Variants in COL9A3 observed in about 807,000 individuals in gnomAD.
COL9A3 encodes collagen type IX alpha 3 chain.
A neutral mutation model predicts 110.2 loss-of-function variants in COL9A3; 82 were observed. The observed-to-expected ratio is 0.74, with a 90% CI of 0.62 to 0.89. The LOEUF is 0.89. Among genes scored for constraint, COL9A3 ranks in the 40% least tolerant of loss-of-function variants. The pLI is 0.00. For synonymous variants in COL9A3, 494 were observed against 403.8 expected (o/e 1.22, Z -2.68); for missense variants, 1,066 against 981.3 (o/e 1.09, Z -1.15).
rs1285935642 is a variant in COL9A3 at position 62,824,641 on chromosome 20, G to C, written c.576+140G>C. On this transcript the variant is annotated intron_variant, in intron 11 of 31. Transcript: ENST00000649368. ...TTGCCCCAGGAAGAAAGCTAGGCCA[G>C]CCTCCTTGTCCCGCCTTCAGCACCC... The C allele has an allele frequency of 5.4e-6, 5 of 928,448 alleles. No individual in the cohort carries two copies. In the East Asian group the frequency reaches 1.3e-4, roughly 24 times the overall value. 57.5% of individuals were successfully genotyped at this position (928,448 alleles called of 1,614,324 possible).
intron 15 of COL9A3, among the ~76,000 whole-genome samples, 162 bp downstream of exon 15, chr20:62,826,982 A>G (rs1415959335): frequency 1.3e-5 from 2 of 152,078 alleles, no homozygotes; most frequent in Non-Finnish European, 2.9e-5. Flanking sequence ...GGGGGTGCTT[A>G]CCAATGGAAT....
intron 21 of COL9A3, 37 bp from the exon 22 acceptor site, chr20:62,829,729 A>C: frequency 6.3e-7 from 1 of 1,597,002 alleles, no homozygotes; most frequent in Non-Finnish European, 8.5e-7. Flanking sequence ...GCCTGTGTGC[A>C]GACCCTGCCC....
chr20:62,820,582 G>A (rs1325922456), intron 5 of COL9A3, among the ~76,000 whole-genome samples: 1 of 151,940 alleles, frequency 6.6e-6, no homozygotes, highest in Non-Finnish European at 1.5e-5. Flanking sequence ...ACCCTTGGGA[G>A]CTCGTCAGGC....
chr20:62,828,223 G>A (rs769658683), intron 17 of COL9A3, among the ~76,000 whole-genome samples: 12 of 152,346 alleles, frequency 7.9e-5, no homozygotes, highest in Admixed American at 2.6e-4. Context: ...AAGGGTGGGT[G>A]GGTAGCACCA....
chr20:62,832,290 G>T, intron 25 of COL9A3, 101 bp downstream of exon 25: 1 of 1,193,196 alleles, frequency 8.4e-7, no homozygotes, highest in South Asian at 1.2e-5. Context: ...GTGTTTTCGG[G>T]ACACTGAGCC....
chr20:62,833,386 T>G (rs1365507689), intron 26 of COL9A3, among the ~76,000 whole-genome samples: 1 of 152,210 alleles, frequency 6.6e-6, no homozygotes, highest in Non-Finnish European at 1.5e-5. Context: ...TTTGTTTTTT[T>G]GTTTTTGGTT....
At position 62,818,569 on chromosome 20, in the gene COL9A3, T is replaced by G; in HGVS notation, c.183+16T>G. On this transcript the variant is annotated intron_variant, in intron 3 of 31. Transcript: ENST00000649368. Reference sequence around the variant, plus strand: ...TGGGCCCCCGGTGAGTGTCCCTGGCTGGGGAGACAGCCTTTTTCCAGTCTG... The same window carrying G: ...TGGGCCCCCGGTGAGTGTCCCTGGCGGGGGAGACAGCCTTTTTCCAGTCTG... 1 of 1,611,768 alleles carries G rather than the reference T, an allele frequency of 6.2e-7. No individual in the cohort carries two copies. Among genetic ancestry groups the G allele is most frequent in the Non-Finnish European group, 8.5e-7 (1 of 1,178,890 alleles).
chr20:62,821,703 G>T, intron 7 of COL9A3, 54 bp from the exon 8 acceptor site: 2 of 1,565,780 alleles, frequency 1.3e-6, no homozygotes, highest in Admixed American at 1.7e-5. Flanking sequence ...CCTGGGTGGG[G>T]ATCCTCGGGG....
In COL9A3 at chr20:62,830,564, C is replaced by T. The variant is rs776017580; in HGVS notation, c.1263C>T (p.Gly421=). The change falls in exon 24 of 32, where the codon GGC becomes GGT. Residue 421 remains glycine, a synonymous_variant. Coordinates refer to ENST00000649368, the MANE Select transcript of COL9A3 (RefSeq NM_001853.4). ...MGDPGLPGPQ[G]LRGDVGDRGP... ...ACCCCGGCCTTCCAGGCCCCCAGGG[C>T]CTCCGAGGTGACGTGGGCGACCGGG... 11 of 1,605,968 alleles carry T rather than the reference C, an allele frequency of 6.8e-6. No homozygotes were observed. The highest frequency in any genetic ancestry group is 1.3e-5 in the African/African-American group (1 of 74,680).
rs375222744 is a variant in COL9A3, at chr20:62,829,497, C to T, written c.1051C>T (p.Arg351Trp). The T allele has an allele frequency of 1.7e-5, 27 of 1,599,068 alleles. No individual in the cohort carries two copies. The highest frequency in any genetic ancestry group is 5.4e-5 in the African/African-American group (4 of 74,082). The change falls in exon 20 of 32, where the codon CGG becomes TGG. Residue 351 changes from arginine to tryptophan, a missense_variant and splice_region_variant. Physicochemically the swap from Arg to Trp is moderately radical, Grantham distance 101. Transcript: ENST00000649368. ...RAGSKGEKGERGRAGELGEAG... is the reference protein window; with the variant it reads ...RAGSKGEKGEWGRAGELGEAG... ...GGGGTCCAAAGGCGAGAAGGGAGAA[C>T]GGGTATGTGGCTGCAGCCGCTTTCT...
chr20:62,829,532 G>A, intron 20 of COL9A3, 33 bp downstream of exon 20: 2 of 1,611,990 alleles, frequency 1.2e-6, no homozygotes, highest in East Asian at 2.2e-5. Context: ...TCTCTGGGAG[G>A]GGAGGCGAGG....
At chr20:62,825,993 G>A in intron 13 of COL9A3, 123 bp downstream of exon 13, 1 of 1,194,986 alleles carries the variant, frequency 8.4e-7, no homozygotes, top group Non-Finnish European at 1.2e-6. Flanking sequence ...CAACACCCAG[G>A]CACAGGAGCG....
chr20:62,840,910 C>T lies in COL9A3; in HGVS notation c.*178C>T, dbSNP rs916836477. 3 of 648,558 alleles carry T rather than the reference C, an allele frequency of 4.6e-6. No individual in the cohort carries two copies. Among genetic ancestry groups the T allele is most frequent in the Non-Finnish European group, 2.8e-6 (1 of 363,600 alleles). The allele number at this position is 648,558 out of a possible 1,614,324, so 40.2% of individuals were successfully genotyped here. A position where few individuals can be genotyped will look rare whatever the true frequency, so the allele number is the denominator to read the frequency against. Reference sequence around the variant, plus strand: ...GCACCCTCATCGGGCTGTCGCCTGACAGCATACCTCAAAAGGCCCTAGCTA... The same window carrying T: ...GCACCCTCATCGGGCTGTCGCCTGATAGCATACCTCAAAAGGCCCTAGCTA... On this transcript the variant is annotated 3_prime_UTR_variant, in exon 32 of 32. Coordinates refer to ENST00000649368, the MANE Select transcript of COL9A3 (RefSeq NM_001853.4).
rs561264585 is a variant in COL9A3, at chr20:62,824,190, C to T, written c.520-255C>T. 3.5e-4 allele frequency among the ~76,000 whole-genome samples: 40 copies of T among 112,896 alleles called. 1 individual carries two copies. Among genetic ancestry groups the T allele is most frequent in the African/African-American group, 1.1e-3 (35 of 32,394 alleles). The allele number at this position is 112,896 out of a possible 152,430, so 74.1% of individuals were successfully genotyped here. ...CACCCAGAGTGTCCCGACACCCGCG[C>T]GGAGTGGCCTCCCGGGGCCCCGTCA... On this transcript the variant is annotated intron_variant, in intron 10 of 31. Transcript: ENST00000649368.
intron 22 of COL9A3, 66 bp from the exon 23 acceptor site, chr20:62,830,294 C>T: frequency 2.0e-6 from 3 of 1,530,392 alleles, no homozygotes; most frequent in Non-Finnish European, 1.8e-6. Context: ...AGCCAGGCTC[C>T]CTGGGGCCTC....
In COL9A3 at chr20:62,824,508, C is replaced by T. The variant is rs746399071; in HGVS notation, c.576+7C>T. On this transcript the variant is annotated splice_region_variant and intron_variant, in intron 11 of 31. Transcript: ENST00000649368. ...TGGAATGCCAGGGTTCAAGGTGAGT[C>T]ACGGGTGACTGGGACCCAAGCACCA... 13 of 1,586,748 alleles carry T rather than the reference C, an allele frequency of 8.2e-6. No individual in the cohort carries two copies. The South Asian group carries it at 1.5e-4, about 18-fold the overall frequency.
Position 62,817,100 on chromosome 20 carries a change from C to T in COL9A3, c.36C>T (p.Leu12=). 2 of 1,405,150 alleles carry T rather than the reference C, an allele frequency of 1.4e-6. No individual in the cohort carries two copies. Among genetic ancestry groups the T allele is most frequent in the Non-Finnish European group, 1.9e-6 (2 of 1,074,624 alleles). The allele number at this position is 1,405,150 out of a possible 1,614,324, so 87.0% of individuals were successfully genotyped here. The change falls in exon 1 of 32, where the codon CTC becomes CTT. Residue 12 remains leucine (L), a synonymous_variant. Transcript: ENST00000649368. ...CGCGCGCGTGCGCCCCGCTCCTGCT[C>T]CTGCTCCTGCTCGGGGAGCTTCTGG... The part of the protein sequence containing the change: ...AGPRACAPLL[L]LLLLGELLAA...
chr20:62,828,818 G>A lies in COL9A3; in HGVS notation c.954+1G>A, dbSNP rs773614909. On this transcript the variant is annotated splice_donor_variant, in intron 18 of 31. Coordinates refer to ENST00000649368, the MANE Select transcript of COL9A3 (RefSeq NM_001853.4). LOFTEE classifies it high-confidence loss of function. ...CGTGCCAGGACTCGATGGCCAGAAG[G>A]TTGGCATGGGGCTCAGGGTGTGACG... The A allele has an allele frequency of 6.2e-7, 1 of 1,613,016 alleles. No homozygotes were observed. Among genetic ancestry groups the A allele is most frequent in the South Asian group, 1.1e-5 (1 of 91,088 alleles).
chr20:62,821,281 A>G (rs1235585423), intron 6 of COL9A3, 65 bp downstream of exon 6: 57 of 1,538,462 alleles, frequency 3.7e-5, no homozygotes, highest in Non-Finnish European at 4.7e-5. Flanking sequence ...TCTGGTCTAA[A>G]TGGGGTGGCC....
Sources: gnomAD v4.1 joint callset for allele counts (sites outside exome capture counted in the v4.1 genomes callset) on GRCh38, gnomAD v4.1.1 for gene constraint, MANE v1.5 for transcripts, NCBI Gene and HGNC (gene_info 2026-07-23, HGNC 2026-07-21) for gene names.